Variants in SYCE1 observed in about 807,000 individuals in gnomAD.
The protein encoded by SYCE1 is cancer/testis antigen 76.
SYCE1 carries 37 observed loss-of-function variants against 55.1 expected under a neutral mutation model. The ratio of observed to expected loss-of-function variants is 0.67; its 90% CI spans 0.52 to 0.88. SYCE1 has a LOEUF of 0.88. SYCE1 is among the 40% of genes least tolerant of loss of function. SYCE1 has a pLI of 0.00. For synonymous variants in SYCE1, 163 were observed against 159.4 expected (o/e 1.02, Z -0.17); for missense variants, 399 against 416.4 (o/e 0.96, Z 0.36).
chr10:133,567,761 C>T (rs534301569), upstream of SYCE1: 65 of 263,294 alleles, frequency 2.5e-4, no homozygotes, highest in Non-Finnish European at 4.3e-4. Flanking sequence ...TCCCTTTGGG[C>T]GGCTCTGGAG....
downstream of SYCE1, chr10:133,554,117 A>C (rs1449449159): frequency 5.8e-6 from 3 of 518,926 alleles, no homozygotes; most frequent in African/African-American, 3.8e-5. Context: ...ATATTTTCTA[A>C]CTTCCACTTG....
upstream of SYCE1, among the ~76,000 whole-genome samples, chr10:133,565,843 C>T (rs1564860049): frequency 6.6e-6 from 1 of 152,244 alleles, no homozygotes; most frequent in South Asian, 2.1e-4. Context: ...TCTGGAGGCC[C>T]TCCCCACCAA....
intron 6 of SYCE1, chr10:133,557,649 T>G: frequency 1.7e-6 from 1 of 600,628 alleles, no homozygotes; most frequent in Non-Finnish European, 2.9e-6. Context: ...AGAAATTTAA[T>G]TGACAATTTA....
upstream of SYCE1, among the ~76,000 whole-genome samples, chr10:133,565,788 T>C (rs918772626): frequency 5.3e-5 from 8 of 152,352 alleles, no homozygotes; most frequent in South Asian, 4.1e-4. Flanking sequence ...CGCTGCCGGG[T>C]GCCCCCGCGC....
At chr10:133,559,962 A>G in intron 2 of SYCE1, 129 bp downstream of exon 2, 1 of 768,408 alleles carries the variant, frequency 1.3e-6, no homozygotes, top group Non-Finnish European at 2.1e-6. Context: ...TTAAGTAATT[A>G]AGTTTTAAAA....
In SYCE1 at chr10:133,560,074, C is replaced by T; in HGVS notation, c.136+17G>A. ...CCCAAACCTCAGGCTGTGCCTCACA[C>T]AAAGGAGACACACGACCTTTCTGCA... On this transcript the variant is annotated intron_variant, in intron 2 of 12. Coordinates refer to ENST00000343131, the MANE Select transcript of SYCE1 (RefSeq NM_001143764.3). The T allele has an allele frequency of 6.2e-7, 1 of 1,612,582 alleles. No individual in the cohort carries two copies. The highest frequency in any genetic ancestry group is 8.5e-7 in the Non-Finnish European group (1 of 1,178,642).
upstream of SYCE1, among the ~76,000 whole-genome samples, chr10:133,567,066 G>T (rs1276664235): frequency 1.3e-5 from 2 of 151,650 alleles, no homozygotes; most frequent in Non-Finnish European, 2.9e-5. Context: ...GGGTTTGGGT[G>T]TTAGGTTTAT....
chr10:133,557,712 G>A, intron 6 of SYCE1, 152 bp downstream of exon 6: 2 of 785,476 alleles, frequency 2.5e-6, no homozygotes, highest in Non-Finnish European at 4.2e-6. Flanking sequence ...ACTGCCAGCT[G>A]TTGGAGCCGA....
chr10:133,564,396 T>G (rs956907404), intron 1 of SYCE1: 1 of 985,330 alleles, frequency 1.0e-6, no homozygotes, highest in Non-Finnish European at 1.2e-6. Context: ...TGGTTAAAAC[T>G]TACCTAAATA....
chr10:133,555,297 C>G, intron 12 of SYCE1, 54 bp downstream of exon 12: 1 of 1,608,908 alleles, frequency 6.2e-7, no homozygotes, highest in South Asian at 1.1e-5. Context: ...CCGCCCCTTC[C>G]GCTGTCCCTT....
chr10:133,559,410 G>T (rs534205090), intron 2 of SYCE1, 50 bp from the exon 3 acceptor site: 4 of 1,576,970 alleles, frequency 2.5e-6, no homozygotes, highest in Non-Finnish European at 3.5e-6. Context: ...GAGTTGGGGC[G>T]GTTGCCAGCC....
intron 2 of SYCE1, chr10:133,559,682 C>T (rs1851776505): frequency 2.3e-6 from 1 of 426,540 alleles, no homozygotes; most frequent in Non-Finnish European, 4.3e-6. Context: ...GGGGCAGGCC[C>T]TGCAGCAATT....
upstream of SYCE1, chr10:133,565,598 T>TG (rs892993939): frequency 3.4e-6 from 5 of 1,486,642 alleles, no homozygotes; most frequent in African/African-American, 2.8e-5. Flanking sequence ...CAACCGCCGC[T>TG]GGGGGCAGGA....
At chr10:133,556,663 G>A (rs1851690370) in intron 8 of SYCE1, 96 bp downstream of exon 8, 8 of 1,300,604 alleles carry the variant, frequency 6.2e-6, no homozygotes, top group South Asian at 2.6e-5. Flanking sequence ...CTTGCTTGGC[G>A]ACTGGTTGTG....
Position 133,560,110 on chromosome 10 carries a change from C to T in SYCE1, c.117G>A (p.Met39Ile). 1 of 1,614,084 alleles carries T rather than the reference C, an allele frequency of 6.2e-7. No individual in the cohort carries two copies. The highest frequency in any genetic ancestry group is 8.5e-7 in the Non-Finnish European group (1 of 1,179,986). The change falls in exon 2 of 13, where the codon ATG becomes ATA. Residue 39 changes from methionine (M) to isoleucine (I), a missense_variant. By Grantham distance (10) the Met-to-Ile change is conservative. Transcript: ENST00000343131. ...SSQKIEDLME[M>I]VQKLQKVGSL... ...CACGACCTTTCTGCAGCTTTTGCAC[C>T]ATTTCCATCAAGTCTTCAATTTTCT...
intron 7 of SYCE1, 103 bp from the exon 8 acceptor site, chr10:133,556,925 C>G (rs1851698546): frequency 4.6e-6 from 7 of 1,522,262 alleles, no homozygotes. Context: ...GTGCTTTGCC[C>G]ATGGTCTCTG....
At position 133,557,709 on chromosome 10, in the gene SYCE1, G is replaced by C. The variant is rs1851720988; in HGVS notation, c.374+155C>G. ...AGAGTTTCCCTTAACACTACTGCCA[G>C]CTGTTGGAGCCGAAGGGGAAAGACA... On this transcript the variant is annotated intron_variant, in intron 6 of 12. Transcript: ENST00000343131. 5.3e-6 allele frequency: 4 copies of C among 751,096 alleles called. No individual in the cohort carries two copies. The South Asian group carries it at 6.9e-5, about 13-fold the overall frequency. 46.5% of individuals were successfully genotyped at this position (751,096 alleles called of 1,614,324 possible). A position where few individuals can be genotyped will look rare whatever the true frequency, so the allele number is the denominator to read the frequency against.
chr10:133,555,597 C>T lies in SYCE1; in HGVS notation c.830G>A (p.Arg277Lys), dbSNP rs1371272943. 6.2e-7 allele frequency: 1 copy of T among 1,604,286 alleles called. No individual in the cohort carries two copies. Reference sequence around the variant, plus strand: ...GCGGGGACAGGGCCTCCACACGCACCTCTGCCGCTTCTGCTGCTGTTGTTG... The same window carrying T: ...GCGGGGACAGGGCCTCCACACGCACTTCTGCCGCTTCTGCTGCTGTTGTTG... Reference protein sequence around the residue: ...KCQQQQQKRQRLKEELEKHGM... With the variant: ...KCQQQQQKRQKLKEELEKHGM... Residue 277 changes from arginine to lysine, a missense_variant and splice_region_variant, in exon 11 of 13, where the codon AGG becomes AAG. Physicochemically the swap from Arg to Lys is conservative, Grantham distance 26 (BLOSUM62 2). Transcript: ENST00000343131.
At chr10:133,558,749 G>T in intron 4 of SYCE1, 128 bp downstream of exon 4, 1 of 864,910 alleles carries the variant, frequency 1.2e-6, no homozygotes, top group Non-Finnish European at 1.8e-6. Context: ...GGGGGAGATT[G>T]GCAGGACATG....
Sources: gnomAD v4.1 joint callset for allele counts (sites outside exome capture counted in the v4.1 genomes callset) on GRCh38, gnomAD v4.1.1 for gene constraint, MANE v1.5 for transcripts, NCBI Gene and HGNC (gene_info 2026-07-23, HGNC 2026-07-21) for gene names.